The following KAZN variants were observed in gnomAD, a reference collection of about 807,000 sequenced individuals.
KAZN encodes the protein kazrin, periplakin interacting protein.
KAZN carries 40 observed loss-of-function variants against 87.4 expected under a neutral mutation model. The observed-to-expected ratio is 0.46, with a 90% CI of 0.36 to 0.60. KAZN has a LOEUF of 0.60. Ranked by LOEUF, KAZN falls within the 20% of genes least tolerant of loss-of-function variation. The pLI is 0.00. For synonymous variants in KAZN, 466 were observed against 458.3 expected (o/e 1.02, Z -0.22); for missense variants, 898 against 1,073.9 (o/e 0.84, Z 2.29).
At chr1:15,041,628 T>C (rs1398008421) in intron 3 of KAZN, among the ~76,000 whole-genome samples, 1 of 152,082 alleles carries the variant, frequency 6.6e-6, no homozygotes, top group East Asian at 1.9e-4. Flanking sequence ...TGAGCCACTG[T>C]GCCCGGCCAC....
chr1:14,327,669 T>G (rs990420801), intron 2 of KAZN, among the ~76,000 whole-genome samples: 1 of 151,778 alleles, frequency 6.6e-6, no homozygotes, highest in Non-Finnish European at 1.5e-5. Context: ...ACCTGGAAAG[T>G]TGTGGTAGAC....
rs1446282183 is a variant in KAZN, at chr1:14,996,591, C to T, written c.418+35716C>T. Among the ~76,000 whole-genome samples the T allele has an allele frequency of 3.9e-5, 6 of 152,318 alleles. No individual in the cohort carries two copies. Among genetic ancestry groups the T allele is most frequent in the South Asian group, 2.1e-4 (1 of 4,826 alleles). ...GCAGTGGGGAGAAGGCTTATGGCAA[C>T]GCGTTTCTGCCGCCAGCACCCTCCC... On this transcript the variant is annotated intron_variant, in intron 2 of 14. Transcript: ENST00000376030. This position sits in a 1 kb window ranked among gnomAD's most constrained non-coding sequence, Gnocchi z 5.9.
At chr1:14,282,423 C>T (rs1303418415) in intron 2 of KAZN, among the ~76,000 whole-genome samples, 1 of 152,224 alleles carries the variant, frequency 6.6e-6, no homozygotes, top group African/African-American at 2.4e-5. Flanking sequence ...AAGCCATTGT[C>T]TATCTTCTAG....
Position 14,322,633 on chromosome 1 carries a change from C to T in KAZN, c.249+142041C>T, listed in dbSNP as rs80092537. 0.011 allele frequency among the ~76,000 whole-genome samples: 1,638 copies of T among 152,272 alleles called. 137 individuals carry two copies. In the East Asian group the frequency reaches 0.23, roughly 21 times the overall value. ...GTTATGCTGTGGACATAAATGGTGGCCAAATCTAGTGACTTATAAAAACAA... is the reference window on the plus strand; with the variant it reads ...GTTATGCTGTGGACATAAATGGTGGTCAAATCTAGTGACTTATAAAAACAA... On this transcript the variant is annotated intron_variant, in intron 2 of 16. Coordinates refer to the KAZN transcript ENST00000636203.
chr1:14,661,949 G>C (rs1639198595), intron 1 of KAZN, among the ~76,000 whole-genome samples: 1 of 152,132 alleles, frequency 6.6e-6, no homozygotes, highest in African/African-American at 2.4e-5. Context: ...AGTCGGATAG[G>C]CCTGGGGTAG....
intron 1 of KAZN, among the ~76,000 whole-genome samples, chr1:14,713,664 G>A (rs1572290121): frequency 6.6e-6 from 1 of 150,458 alleles, no homozygotes; most frequent in African/African-American, 2.5e-5. Flanking sequence ...GGCTAGCCGA[G>A]TACAGTGGCT....
intron 1 of KAZN, among the ~76,000 whole-genome samples, chr1:14,024,084 C>T (rs958738181): frequency 6.6e-6 from 1 of 152,138 alleles, no homozygotes; most frequent in South Asian, 2.1e-4. Flanking sequence ...GATCGTGTGA[C>T]AAGGAGAAAG....
intron 2 of KAZN, among the ~76,000 whole-genome samples, chr1:14,579,359 C>T (rs1419575472): frequency 1.3e-5 from 2 of 152,166 alleles, no homozygotes; most frequent in Admixed American, 6.5e-5. Flanking sequence ...GGCGTGGTGG[C>T]TCACGCCTGT....
At chr1:14,901,009 GGCCATCATACA>G (rs1475394306) in intron 1 of KAZN, among the ~76,000 whole-genome samples, 1 of 152,198 alleles carries the variant, frequency 6.6e-6, no homozygotes, top group African/African-American at 2.4e-5. Context: ...CTGTCCCAAT[GGCCATCATACA>G]GCGGTAACAG....
chr1:14,183,316 G>C (rs1380056333), intron 2 of KAZN, among the ~76,000 whole-genome samples: 2 of 152,162 alleles, frequency 1.3e-5, no homozygotes, highest in Non-Finnish European at 2.9e-5. Flanking sequence ...ATCCATCCTG[G>C]AAAATGGAAT....
intron 1 of KAZN, among the ~76,000 whole-genome samples, chr1:14,117,613 G>A (rs1045120060): frequency 2.0e-5 from 3 of 152,096 alleles, no homozygotes; most frequent in South Asian, 4.2e-4. Flanking sequence ...AAATCAGGGG[G>A]TGGGGAGGTA....
intron 2 of KAZN, among the ~76,000 whole-genome samples, chr1:14,185,747 C>T (rs959588155): frequency 6.6e-6 from 1 of 152,166 alleles, no homozygotes; most frequent in Non-Finnish European, 1.5e-5. Context: ...TCTGTACTCA[C>T]CCTTCCTGTT....
chr1:14,062,578 G>A (rs1015545054), intron 1 of KAZN, among the ~76,000 whole-genome samples: 3 of 152,144 alleles, frequency 2.0e-5, no homozygotes, highest in African/African-American at 7.2e-5. Context: ...CATTTGTTCA[G>A]TAATCTATCA....
At chr1:14,339,084 G>T (rs890613102) in intron 2 of KAZN, among the ~76,000 whole-genome samples, 1 of 151,984 alleles carries the variant, frequency 6.6e-6, no homozygotes, top group African/African-American at 2.4e-5. Context: ...AAGATCAGAC[G>T]TAACAGAGAG....
chr1:14,420,462 G>A (rs1374834852), intron 2 of KAZN, among the ~76,000 whole-genome samples: 1 of 152,192 alleles, frequency 6.6e-6, no homozygotes, highest in Non-Finnish European at 1.5e-5. Flanking sequence ...GGGGGGAGCT[G>A]CCCGCAAGTC....
chr1:13,955,848 C>T (rs1641523904), intron 1 of KAZN, among the ~76,000 whole-genome samples: 1 of 152,208 alleles, frequency 6.6e-6, no homozygotes, highest in Non-Finnish European at 1.5e-5. Flanking sequence ...TGAGGAAAGT[C>T]CTTGGGACTT....
chr1:14,210,603 C>T (rs1401976414), intron 2 of KAZN, among the ~76,000 whole-genome samples: 6 of 152,134 alleles, frequency 3.9e-5, no homozygotes, highest in Non-Finnish European at 8.8e-5. Context: ...CCATTGCACT[C>T]TTAAAAATTA....
At chr1:14,811,456 A>T (rs542837167) in intron 1 of KAZN, among the ~76,000 whole-genome samples, 1 of 152,354 alleles carries the variant, frequency 6.6e-6, no homozygotes, top group East Asian at 1.9e-4. Flanking sequence ...ATACGTTAAA[A>T]CAATTAAATG....
intron 1 of KAZN, among the ~76,000 whole-genome samples, chr1:14,065,407 G>A (rs947343564): frequency 1.3e-5 from 2 of 152,142 alleles, no homozygotes; most frequent in African/African-American, 4.8e-5. Context: ...GGTAAAAGAG[G>A]CTAATGCATT....
Sources: allele counts gnomAD v4.1 joint callset (sites outside exome capture counted in the v4.1 genomes callset), GRCh38; gene constraint gnomAD v4.1.1; non-coding constraint Gnocchi (gnomAD v3.1); transcripts MANE v1.5; gene names NCBI Gene and HGNC (gene_info 2026-07-23, HGNC 2026-07-21).